The following AKT3 variants were observed in gnomAD, a reference collection of about 807,000 sequenced individuals.
AKT3 encodes the protein RAC-gamma serine/threonine-protein kinase.
In AKT3, 15 loss-of-function variants were observed where a neutral mutation model predicts 65.3. The ratio of observed to expected loss-of-function variants is 0.23; its 90% CI spans 0.15 to 0.35. The LOEUF is 0.35. AKT3 is among the 10% of genes least tolerant of loss of function. The pLI is 1.00. For missense variants in AKT3, 243 were observed against 576.5 expected (o/e 0.42, Z 5.92); for synonymous variants, 206 against 183.8 (o/e 1.12, Z -0.98).
At chr1:243,819,036 C>A (rs1243927869) in intron 2 of AKT3, among the ~76,000 whole-genome samples, 1 of 152,232 alleles carries the variant, frequency 6.6e-6, no homozygotes, top group Admixed American at 6.5e-5. Flanking sequence ...CAGGATATCA[C>A]CCTCATGAGC....
At chr1:243,640,024 G>A (rs149055086) in intron 5 of AKT3, among the ~76,000 whole-genome samples, 4 of 152,148 alleles carry the variant, frequency 2.6e-5, no homozygotes, top group Non-Finnish European at 5.9e-5. Flanking sequence ...AAATGCCTAC[G>A]TTCACTTTCA....
rs749233183 is a variant in AKT3, at chr1:243,499,745, AT to A, written c.*5503del. ...GAGCTATTGAAACTTACTTTTTATT[AT>A]TTTTTCCAGTTACCCAGCATGCCAC... On this transcript the variant is annotated 3_prime_UTR_variant, in exon 14 of 14. Coordinates refer to ENST00000673466, the MANE Select transcript of AKT3 (RefSeq NM_005465.7). 16 of 1,607,922 alleles carry A rather than the reference AT, an allele frequency of 1.0e-5. No individual in the cohort carries two copies. The highest frequency in any genetic ancestry group is 3.3e-4 in the Middle Eastern group (2 of 6,076).
chr1:243,569,746 T>C (rs1463161388), intron 9 of AKT3, among the ~76,000 whole-genome samples: 1 of 152,216 alleles, frequency 6.6e-6, no homozygotes, highest in Non-Finnish European at 1.5e-5. Context: ...TTTTCTCCCA[T>C]AAACTAGCAA....
At chr1:243,713,943 T>G (rs1572215423) in intron 2 of AKT3, among the ~76,000 whole-genome samples, 2 of 152,046 alleles carry the variant, frequency 1.3e-5, no homozygotes, top group East Asian at 3.9e-4. Flanking sequence ...TCCGACAGCC[T>G]CTATTATGCT....
chr1:243,648,181 C>T (rs969753303), intron 4 of AKT3, among the ~76,000 whole-genome samples: 41 of 151,458 alleles, frequency 2.7e-4, no homozygotes, highest in African/African-American at 9.5e-4. Context: ...TCACTTGAAC[C>T]CAGGAAATGG....
At chr1:243,731,215 A>G (rs1186057718) in intron 2 of AKT3, among the ~76,000 whole-genome samples, 1 of 152,212 alleles carries the variant, frequency 6.6e-6, no homozygotes, top group Non-Finnish European at 1.5e-5. Context: ...CAAAAAATAT[A>G]TATAATAGCC....
At chr1:243,755,942 G>C (rs562189123) in intron 2 of AKT3, among the ~76,000 whole-genome samples, 2 of 152,318 alleles carry the variant, frequency 1.3e-5, no homozygotes, top group African/African-American at 4.8e-5. Flanking sequence ...TAGGAGAAAA[G>C]GGTCAAGCCC....
At chr1:243,845,059 T>C (rs943325521) in intron 1 of AKT3, among the ~76,000 whole-genome samples, 12 of 152,194 alleles carry the variant, frequency 7.9e-5, no homozygotes, top group African/African-American at 1.7e-4. Flanking sequence ...AAATGATACA[T>C]AGCAGTTAAG....
At chr1:243,571,034 T>C (rs1255270714) in intron 9 of AKT3, among the ~76,000 whole-genome samples, 2 of 152,190 alleles carry the variant, frequency 1.3e-5, no homozygotes, top group Non-Finnish European at 2.9e-5. Flanking sequence ...TATACCAATA[T>C]GTTGGCTGGG....
At chr1:243,797,987 A>G (rs1393652858) in intron 2 of AKT3, among the ~76,000 whole-genome samples, 1 of 148,468 alleles carries the variant, frequency 6.7e-6, no homozygotes, top group Non-Finnish European at 1.5e-5. Flanking sequence ...GGCTCATGCC[A>G]TTCTTCTGCC....
At chr1:243,755,952 C>G (rs1372374291) in intron 2 of AKT3, among the ~76,000 whole-genome samples, 1 of 152,160 alleles carries the variant, frequency 6.6e-6, no homozygotes, top group Non-Finnish European at 1.5e-5. Flanking sequence ...GGGTCAAGCC[C>G]AATCAAGGAA....
At chr1:243,777,652 A>G (rs1572333143) in intron 2 of AKT3, among the ~76,000 whole-genome samples, 1 of 152,068 alleles carries the variant, frequency 6.6e-6, no homozygotes, top group East Asian at 1.9e-4. Context: ...AAAACATGGG[A>G]TTTGGAAATG....
intron 3 of AKT3, among the ~76,000 whole-genome samples, chr1:243,670,761 T>C (rs1683103982): frequency 6.6e-6 from 1 of 152,204 alleles, no homozygotes; most frequent in African/African-American, 2.4e-5. Context: ...AGTTATACAC[T>C]AGTTAAACTC....
intron 10 of AKT3, among the ~76,000 whole-genome samples, chr1:243,562,514 T>C (rs559956448): frequency 6.6e-6 from 1 of 152,330 alleles, no homozygotes; most frequent in Non-Finnish European, 1.5e-5. Flanking sequence ...ATCAAGTTTT[T>C]AAAAAGTTAA....
chr1:243,586,219 A>G (rs1479386348), intron 8 of AKT3, among the ~76,000 whole-genome samples: 1 of 152,154 alleles, frequency 6.6e-6, no homozygotes, highest in African/African-American at 2.4e-5. Context: ...AAAATGTCAA[A>G]CAATAATCGG....
At chr1:243,583,836 T>C (rs775259248) in intron 8 of AKT3, among the ~76,000 whole-genome samples, 4 of 152,064 alleles carry the variant, frequency 2.6e-5, no homozygotes, top group Admixed American at 6.6e-5. Context: ...AAGAGGAAAG[T>C]TGAAAGCACT....
intron 2 of AKT3, among the ~76,000 whole-genome samples, chr1:243,821,058 G>C (rs1441659611): frequency 6.6e-6 from 1 of 152,136 alleles, no homozygotes; most frequent in Non-Finnish European, 1.5e-5. Context: ...ACCTACAAGG[G>C]AAGCCCATCA....
chr1:243,567,307 T>G (rs1360428533), intron 9 of AKT3, among the ~76,000 whole-genome samples: 1 of 151,792 alleles, frequency 6.6e-6, no homozygotes, highest in African/African-American at 2.4e-5. Context: ...CACAAATATT[T>G]TATAATTTTC....
chr1:243,646,442 C>A (rs911672745), intron 4 of AKT3, among the ~76,000 whole-genome samples: 12 of 151,998 alleles, frequency 7.9e-5, no homozygotes, highest in Admixed American at 5.9e-4. Context: ...GCAACCTCCA[C>A]CTCGTGGGTT....
Sources: allele counts gnomAD v4.1 joint callset (sites outside exome capture counted in the v4.1 genomes callset), GRCh38; gene constraint gnomAD v4.1.1; transcripts MANE v1.5; gene names NCBI Gene and HGNC (gene_info 2026-07-23, HGNC 2026-07-21).